Variants in SETX observed in about 807,000 individuals in gnomAD.
SETX encodes senataxin.
A neutral mutation model predicts 227.2 loss-of-function variants in SETX; 90 were observed. That is an observed-to-expected ratio of 0.40 (90% CI 0.33 to 0.47). The LOEUF (loss-of-function observed/expected upper bound fraction) is 0.47, where lower values mean the gene tolerates loss of function less well. SETX is among the 20% of genes least tolerant of loss of function. The probability of loss-of-function intolerance (pLI) is 0.91; values close to 1 mark genes in which losing one functional copy is unlikely to be tolerated. For synonymous variants in SETX, 1,210 were observed against 1,113.2 expected, an observed-to-expected ratio of 1.09 and a Z score of -1.73; for missense variants, 3,052 against 3,181.5, an observed-to-expected ratio of 0.96 and a Z score of 0.98.
chr9:132,266,935 G>A (rs115335384), intron 25 of SETX, among the ~76,000 whole-genome samples: 5,865 of 152,254 alleles, frequency 0.039, 393 homozygotes, highest in African/African-American at 0.13. Context: ...TGATTCATTC[G>A]TGCTAAATTC....
At chr9:132,336,265 C>G (rs778998911) in intron 6 of SETX, 31 bp downstream of exon 6, 35 of 1,558,530 alleles carry the variant, frequency 2.2e-5, no homozygotes, top group Non-Finnish European at 2.8e-5. Flanking sequence ...TACGAAAATA[C>G]CAATTATATT....
chr9:132,343,400 G>A (rs998208421), intron 4 of SETX, among the ~76,000 whole-genome samples: 20 of 152,086 alleles, frequency 1.3e-4, no homozygotes, highest in African/African-American at 4.8e-4. Context: ...TAAAGGACCT[G>A]TAACCATATG....
intron 5 of SETX, among the ~76,000 whole-genome samples, chr9:132,341,596 T>G (rs1233398864): frequency 6.6e-6 from 1 of 152,248 alleles, no homozygotes; most frequent in African/African-American, 2.4e-5. Flanking sequence ...TCACCAAGGC[T>G]GCAAGTGCTT....
chr9:132,322,289 G>T (rs1846411979), intron 10 of SETX, among the ~76,000 whole-genome samples: 1 of 151,794 alleles, frequency 6.6e-6, no homozygotes, highest in South Asian at 2.1e-4. Flanking sequence ...TTAGTACTAT[G>T]GTTTTATTTA....
chr9:132,319,735 G>C (rs1468696427), intron 10 of SETX, among the ~76,000 whole-genome samples: 2 of 152,166 alleles, frequency 1.3e-5, no homozygotes, highest in Non-Finnish European at 2.9e-5. Context: ...ATTACAATCT[G>C]AAATTAGCCA....
At chr9:132,303,080 T>C (rs981200798) in intron 11 of SETX, among the ~76,000 whole-genome samples, 1 of 152,118 alleles carries the variant, frequency 6.6e-6, no homozygotes, top group African/African-American at 2.4e-5. Context: ...TGCAGTGGTA[T>C]GATCACAGCT....
intron 1 of SETX, among the ~76,000 whole-genome samples, chr9:132,354,199 AG>A (rs957318201): frequency 4.6e-5 from 7 of 152,162 alleles, no homozygotes; most frequent in African/African-American, 1.4e-4. Context: ...CAGCAGCAAA[AG>A]CTCCAGCCCC....
Position 132,327,623 on chromosome 9 carries a change from C to A in SETX, c.3975G>T (p.Lys1325Asn), listed in dbSNP as rs755476104. The A allele has an allele frequency of 1.9e-6, 3 of 1,613,910 alleles. No individual in the cohort carries two copies. The highest frequency in any genetic ancestry group is 1.1e-5 in the South Asian group (1 of 91,062). ...GGTTCTGAGGAGAAATTAATTTAGT[C>A]TTTTTTCGGGTATCAACTACTCCAA... ...KTVGVVDTRK[K>N]TKLISPQNLS... The change falls in exon 10 of 26, where the codon AAG becomes AAT. Residue 1325 changes from lysine to asparagine, a missense_variant. By Grantham distance (94) the Lys-to-Asn change is moderately conservative. Coordinates refer to ENST00000224140, the MANE Select transcript of SETX (RefSeq NM_015046.7).
rs553512431 is a variant in SETX at position 132,326,745 on chromosome 9, G to A, written c.4853C>T (p.Ser1618Leu). The change falls in exon 10 of 26, where the codon TCA becomes TTA. Residue 1618 changes from serine to leucine, a missense_variant. Transcript: ENST00000224140. ...AGLSKSLETS[S>L]ALSPSLKNKS... ...ATTTTTTAGAGACGGTGAAAGTGCT[G>A]AAGAAGTTTCCAAAGATTTAGAAAG... 10 of 1,614,220 alleles carry A rather than the reference G, an allele frequency of 6.2e-6. No homozygotes were observed. Among genetic ancestry groups the A allele is most frequent in the East Asian group, 2.2e-5 (1 of 44,886 alleles).
intron 1 of SETX, among the ~76,000 whole-genome samples, chr9:132,354,318 CCT>C (rs750745260): frequency 6.6e-6 from 1 of 151,972 alleles, no homozygotes; most frequent in Non-Finnish European, 1.5e-5. Flanking sequence ...ACAGCCAGGC[CCT>C]GTCTCTGCAA....
Position 132,327,241 on chromosome 9 carries a change from T to C in SETX, c.4357A>G (p.Thr1453Ala), listed in dbSNP as rs1846863318. 2 of 1,614,216 alleles carry C rather than the reference T, an allele frequency of 1.2e-6. No homozygotes were observed. The highest frequency in any genetic ancestry group is 1.7e-6 in the Non-Finnish European group (2 of 1,180,036). The part of the protein sequence containing the change: ...DSVVLNGTVP[T>A]NEVIVSTSED... Reference sequence around the variant, plus strand: ...GAAGTGGAGACAATTACTTCATTTGTTGGTACTGTTCCATTTAACACTACA... The same window carrying C: ...GAAGTGGAGACAATTACTTCATTTGCTGGTACTGTTCCATTTAACACTACA... Residue 1453 changes from threonine (T) to alanine (A), a missense_variant, in exon 10 of 26, where the codon ACA becomes GCA. Physicochemically the swap from Thr to Ala is moderately conservative, Grantham distance 58. Around this residue, in one of 10 missense-constraint regions of SETX, gnomAD observed 1,483 missense variants for 1,312.0 expected, o/e 1.13. Transcript: ENST00000224140.
At chr9:132,296,113 C>G in intron 14 of SETX, 85 bp from the exon 15 acceptor site, 1 of 1,498,012 alleles carries the variant, frequency 6.7e-7, no homozygotes, top group South Asian at 1.1e-5. Flanking sequence ...TTTGTCTTTA[C>G]TTCCATGTAT....
intron 3 of SETX, among the ~76,000 whole-genome samples, chr9:132,346,786 T>TG (rs1554825373): frequency 2.8e-5 from 4 of 143,754 alleles, no homozygotes; most frequent in Non-Finnish European, 1.5e-5. Flanking sequence ...ACCCTGTCAC[T>TG]AAAAAAAAAA....
intron 2 of SETX, among the ~76,000 whole-genome samples, chr9:132,349,673 A>C (rs1848503784): frequency 6.6e-6 from 1 of 152,258 alleles, no homozygotes; most frequent in African/African-American, 2.4e-5. Flanking sequence ...AAGTATCATA[A>C]GGCAACATAA....
chr9:132,306,790 C>T (rs1845360196), intron 11 of SETX, among the ~76,000 whole-genome samples: 1 of 152,066 alleles, frequency 6.6e-6, no homozygotes, highest in African/African-American at 2.4e-5. Context: ...GATCATAACA[C>T]AGCATAGCCT....
chr9:132,340,969 A>G (rs1847923296), intron 5 of SETX, among the ~76,000 whole-genome samples: 1 of 152,184 alleles, frequency 6.6e-6, no homozygotes, highest in Non-Finnish European at 1.5e-5. Context: ...AGGCACTGCC[A>G]GATAGGACCC....
intron 22 of SETX, among the ~76,000 whole-genome samples, chr9:132,275,699 T>C (rs1843126655): frequency 6.6e-6 from 1 of 152,194 alleles, no homozygotes; most frequent in Admixed American, 6.5e-5. Context: ...TCAACTGAAG[T>C]TTAGGCACCA....
At chr9:132,310,636 A>G (rs1363385503) in intron 11 of SETX, among the ~76,000 whole-genome samples, 17 of 152,216 alleles carry the variant, frequency 1.1e-4, no homozygotes, top group Admixed American at 1.1e-3. Flanking sequence ...GAAAATGATA[A>G]GTTCCTGCCA....
chr9:132,332,918 GAA>G (rs1311545099), intron 7 of SETX, among the ~76,000 whole-genome samples: 5 of 100,664 alleles, frequency 5.0e-5, no homozygotes, highest in Admixed American at 9.8e-5. Context: ...TGTCTCAAAA[GAA>G]AAAAAAAAAA....
Sources: gnomAD v4.1 joint callset for allele counts (sites outside exome capture counted in the v4.1 genomes callset) on GRCh38, gnomAD v4.1.1 for gene constraint, gnomAD v4.1.1 regional missense constraint, MANE v1.5 for transcripts, NCBI Gene and HGNC (gene_info 2026-07-23, HGNC 2026-07-21) for gene names.